DGCR2: variants seen among roughly 807,000 people sequenced by gnomAD.
DGCR2 encodes the protein DiGeorge syndrome critical region gene 2, also known as integral membrane protein DGCR2/IDD.
In DGCR2, 24 loss-of-function variants were observed where a neutral mutation model predicts 51.6. The ratio of observed to expected loss-of-function variants is 0.47; its 90% CI spans 0.34 to 0.65. DGCR2 has a LOEUF of 0.65. Among genes scored for constraint, DGCR2 ranks in the 30% least tolerant of loss-of-function variants. The probability of loss-of-function intolerance (pLI) is 0.01; values close to 1 mark genes in which losing one functional copy is unlikely to be tolerated. For missense variants in DGCR2, 765 were observed against 772.1 expected, an observed-to-expected ratio of 0.99 and a Z score of 0.11; for synonymous variants, 340 against 315.4, an observed-to-expected ratio of 1.08 and a Z score of -0.82.
At chr22:19,102,099 G>C (rs1230903510) in intron 1 of DGCR2, among the ~76,000 whole-genome samples, 1 of 152,146 alleles carries the variant, frequency 6.6e-6, no homozygotes. Context: ...TAAAAAGGAA[G>C]AAAATTCTGA....
intron 4 of DGCR2, 130 bp downstream of exon 4, chr22:19,064,718 G>A: frequency 1.2e-6 from 1 of 830,536 alleles, no homozygotes; most frequent in Non-Finnish European, 1.9e-6. Flanking sequence ...CTTCCAGTGG[G>A]CGAGGCTGGT....
intron 3 of DGCR2, among the ~76,000 whole-genome samples, chr22:19,066,407 AAAAAAACAAAC>A (rs1420227894): frequency 6.6e-6 from 1 of 151,880 alleles, no homozygotes; most frequent in African/African-American, 2.4e-5. Context: ...CCCTGTCTGA[AAAAAAACAAAC>A]AAAAAACAAA....
chr22:19,064,922 G>A lies in DGCR2; in HGVS notation c.474C>T (p.Asp158=). ...LNGSLATFST[D]QELRFVLAQE... Reference sequence around the variant, plus strand: ...GGGCCAGGACAAAGCGCAGCTCCTGGTCAGTGGAGAAGGTGGCGAGAGAGC... The same window carrying A: ...GGGCCAGGACAAAGCGCAGCTCCTGATCAGTGGAGAAGGTGGCGAGAGAGC... Residue 158 remains aspartate, a synonymous_variant, in exon 4 of 10, where the codon GAC becomes GAT. Coordinates refer to ENST00000263196, the MANE Select transcript of DGCR2 (RefSeq NM_005137.3). 1 of 1,613,992 alleles carries A rather than the reference G, an allele frequency of 6.2e-7. No individual in the cohort carries two copies.
intron 5 of DGCR2, 34 bp downstream of exon 5, chr22:19,063,168 G>T (rs552314461): frequency 1.2e-5 from 20 of 1,603,730 alleles, no homozygotes; most frequent in Admixed American, 3.3e-5. Flanking sequence ...ACTCTGCCCA[G>T]CTTCAAACAC....
intron 1 of DGCR2, chr22:19,121,880 G>A (rs1188175337): frequency 1.2e-5 from 3 of 252,808 alleles, no homozygotes; most frequent in African/African-American, 4.5e-5. Context: ...GGCCGCCGCC[G>A]CTCCCGGGAA....
chr22:19,038,780 C>T lies in DGCR2; in HGVS notation c.*85G>A, dbSNP rs1320765745. 2.6e-6 allele frequency: 4 copies of T among 1,541,890 alleles called. No homozygotes were observed. Among genetic ancestry groups the T allele is most frequent in the Non-Finnish European group, 8.8e-7 (1 of 1,135,348 alleles). On this transcript the variant is annotated 3_prime_UTR_variant, in exon 10 of 10. Transcript: ENST00000263196. ...GCAGTGCGTGGCGTCCAGGCTGGGA[C>T]AGGGGCCTTTCAAGTCTCCCCAGGG...
chr22:19,095,460 G>A (rs1413172110), intron 1 of DGCR2, among the ~76,000 whole-genome samples: 1 of 152,002 alleles, frequency 6.6e-6, no homozygotes. Context: ...AGGAGATGAA[G>A]ACCATCCTGG....
chr22:19,119,744 A>G (rs2083411574), intron 1 of DGCR2, among the ~76,000 whole-genome samples: 1 of 151,436 alleles, frequency 6.6e-6, no homozygotes, highest in Non-Finnish European at 1.5e-5. Flanking sequence ...TCAAAAAAAA[A>G]AAAAAAAAAA....
At chr22:19,111,524 C>T (rs1452891934) in intron 1 of DGCR2, among the ~76,000 whole-genome samples, 1 of 152,172 alleles carries the variant, frequency 6.6e-6, no homozygotes, top group Non-Finnish European at 1.5e-5. Context: ...GCTAATTAAC[C>T]TCTCTGGGTC....
At chr22:19,106,503 C>G (rs886236369) in intron 1 of DGCR2, among the ~76,000 whole-genome samples, 10 of 152,154 alleles carry the variant, frequency 6.6e-5, no homozygotes, top group Admixed American at 5.9e-4. Context: ...ACCAACGATG[C>G]CAGCATCTGA....
intron 1 of DGCR2, among the ~76,000 whole-genome samples, chr22:19,111,453 T>C (rs2525079): frequency 0.32 from 48,424 of 152,114 alleles, 8,699 homozygotes; most frequent in African/African-American, 0.49. Context: ...TGGCTCAGGA[T>C]AGCAGTCCTG....
At chr22:19,056,639 G>T in intron 6 of DGCR2, 1 of 389,576 alleles carries the variant, frequency 2.6e-6, no homozygotes, top group Non-Finnish European at 4.6e-6. Context: ...GAAATGGGGG[G>T]TGGGGAGGTG....
chr22:19,043,744 G>C (rs2082458590), intron 7 of DGCR2, among the ~76,000 whole-genome samples: 1 of 152,168 alleles, frequency 6.6e-6, no homozygotes, highest in South Asian at 2.1e-4. Flanking sequence ...CAACCCCCGT[G>C]TGAGTGGCTG....
chr22:19,101,737 TAAAAAAAAAA>T (rs764584649), intron 1 of DGCR2, among the ~76,000 whole-genome samples: 1 of 111,018 alleles, frequency 9.0e-6, no homozygotes, highest in African/African-American at 3.5e-5. Flanking sequence ...GCAAAACTGT[TAAAAAAAAAA>T]AAAAAAAAAG....
intron 1 of DGCR2, among the ~76,000 whole-genome samples, chr22:19,120,412 T>C (rs145574920): frequency 6.6e-6 from 1 of 152,210 alleles, no homozygotes; most frequent in East Asian, 1.9e-4. Context: ...GACAAGTGAC[T>C]TACACCTGGC....
At chr22:19,049,529 A>T (rs959809004) in intron 6 of DGCR2, among the ~76,000 whole-genome samples, 2 of 152,154 alleles carry the variant, frequency 1.3e-5, no homozygotes, top group Non-Finnish European at 2.9e-5. Context: ...TCTATGCCTC[A>T]CTTAAGATTG....
chr22:19,108,146 G>A (rs1035164067), intron 1 of DGCR2, among the ~76,000 whole-genome samples: 1 of 152,178 alleles, frequency 6.6e-6, no homozygotes, highest in East Asian at 1.9e-4. Flanking sequence ...TAGGGAAGGA[G>A]AAGAACTTCG....
chr22:19,105,969 C>A (rs1223578792), intron 1 of DGCR2, among the ~76,000 whole-genome samples: 2 of 152,086 alleles, frequency 1.3e-5, no homozygotes, highest in Non-Finnish European at 2.9e-5. Flanking sequence ...CCGTCTAGCC[C>A]CTTCCCCATC....
chr22:19,077,391 T>C (rs1373053957), intron 2 of DGCR2, among the ~76,000 whole-genome samples: 3 of 152,244 alleles, frequency 2.0e-5, no homozygotes, highest in Non-Finnish European at 2.9e-5. Context: ...AACTTTATTC[T>C]TTTGATTTGT....
Sources: allele counts gnomAD v4.1 joint callset (sites outside exome capture counted in the v4.1 genomes callset), GRCh38; gene constraint gnomAD v4.1.1; transcripts MANE v1.5; gene names NCBI Gene and HGNC (gene_info 2026-07-23, HGNC 2026-07-21).